The following CSNK2A2IP variants were observed in gnomAD, a reference collection of about 807,000 sequenced individuals.
CSNK2A2IP encodes casein kinase 2 subunit alpha' interacting protein.
At chr3:88,466,460 T>C in the CSNK2A2IP span, 1 of 1,231,804 alleles carries the variant, frequency 8.1e-7, no homozygotes, top group Admixed American at 4.2e-5. Flanking sequence ...AAAACAAACA[T>C]CTCAGGTCAA....
the CSNK2A2IP span, among the ~76,000 whole-genome samples, chr3:88,390,406 C>T: frequency 6.6e-6 from 1 of 152,098 alleles, no homozygotes; most frequent in African/African-American, 2.4e-5. Flanking sequence ...GTGACACTGA[C>T]CTGGAACTGT....
chr3:88,379,845 T>G, the CSNK2A2IP span, among the ~76,000 whole-genome samples: 2 of 152,126 alleles, frequency 1.3e-5, no homozygotes, highest in African/African-American at 4.8e-5. Context: ...AGGCTATTGT[T>G]TTTATTTTTC....
At chr3:88,356,456 T>C in the CSNK2A2IP span, among the ~76,000 whole-genome samples, 2 of 152,194 alleles carry the variant, frequency 1.3e-5, no homozygotes, top group African/African-American at 4.8e-5. Context: ...TGAATAATAT[T>C]CCATGGTGTA....
At chr3:88,427,231 C>G in the CSNK2A2IP span, among the ~76,000 whole-genome samples, 1 of 152,156 alleles carries the variant, frequency 6.6e-6, no homozygotes, top group Admixed American at 6.5e-5. Flanking sequence ...AGAGGCTGCC[C>G]TTGCCCTAGA....
chr3:88,390,401 A>G, the CSNK2A2IP span, among the ~76,000 whole-genome samples: 9 of 152,180 alleles, frequency 5.9e-5, no homozygotes, highest in African/African-American at 1.9e-4. Context: ...GCATAGTGAC[A>G]CTGACCTGGA....
At chr3:88,465,612 T>C in the CSNK2A2IP span, 1,804 of 1,231,678 alleles carry the variant, frequency 1.5e-3, 3 homozygotes, top group Admixed American at 1.8e-3. Context: ...GCTTCTGTGA[T>C]AGGTTTCTGA....
chr3:88,358,416 T>C, the CSNK2A2IP span, among the ~76,000 whole-genome samples: 422 of 152,318 alleles, frequency 2.8e-3, 4 homozygotes, highest in African/African-American at 9.0e-3. Context: ...GTTCCGGATC[T>C]TAAACTAAAG....
At chr3:88,341,492 G>A in the CSNK2A2IP span, among the ~76,000 whole-genome samples, 1,887 of 151,768 alleles carry the variant, frequency 0.012, 53 homozygotes, top group African/African-American at 0.043. Flanking sequence ...TCTGTGAGCA[G>A]CTGTTTCCTC....
At chr3:88,442,904 A>T in the CSNK2A2IP span, among the ~76,000 whole-genome samples, 3 of 152,006 alleles carry the variant, frequency 2.0e-5, no homozygotes, top group African/African-American at 7.2e-5. Flanking sequence ...ATTATAATTA[A>T]TTAAGTTAAA....
chr3:88,344,926 T>C, the CSNK2A2IP span, among the ~76,000 whole-genome samples: 2 of 152,016 alleles, frequency 1.3e-5, no homozygotes, highest in Admixed American at 6.6e-5. Flanking sequence ...TGGTTTCCTT[T>C]TGAATATCAT....
At chr3:88,435,080 A>T in the CSNK2A2IP span, among the ~76,000 whole-genome samples, 3 of 152,256 alleles carry the variant, frequency 2.0e-5, no homozygotes, top group South Asian at 2.1e-4. Flanking sequence ...GAGAGTTCCC[A>T]TGAGAAAGCA....
the CSNK2A2IP span, among the ~76,000 whole-genome samples, chr3:88,459,663 A>G: frequency 6.6e-6 from 1 of 152,146 alleles, no homozygotes; most frequent in Non-Finnish European, 1.5e-5. Context: ...CTCACATTTA[A>G]CTACCATGTG....
the CSNK2A2IP span, among the ~76,000 whole-genome samples, chr3:88,420,167 C>T: frequency 6.6e-6 from 1 of 152,098 alleles, no homozygotes; most frequent in Non-Finnish European, 1.5e-5. Flanking sequence ...TACTCTAGAA[C>T]AGCATAAATG....
the CSNK2A2IP span, among the ~76,000 whole-genome samples, chr3:88,393,641 G>A: frequency 6.6e-6 from 1 of 152,126 alleles, no homozygotes; most frequent in Non-Finnish European, 1.5e-5. Context: ...AGGAGATTGT[G>A]GTCAAACAGT....
chr3:88,367,934 T>C, the CSNK2A2IP span, among the ~76,000 whole-genome samples: 1 of 152,108 alleles, frequency 6.6e-6, no homozygotes, highest in Non-Finnish European at 1.5e-5. Context: ...CCTTTAATCC[T>C]AGTTTTAAAG....
At chr3:88,454,066 T>C in the CSNK2A2IP span, among the ~76,000 whole-genome samples, 36 of 152,168 alleles carry the variant, frequency 2.4e-4, 1 homozygote, top group East Asian at 6.7e-3. Flanking sequence ...GTATGAGAGT[T>C]TCAATTCCTC....
At chr3:88,385,297 A>G in the CSNK2A2IP span, among the ~76,000 whole-genome samples, 2 of 151,184 alleles carry the variant, frequency 1.3e-5, no homozygotes, top group Non-Finnish European at 2.9e-5. Flanking sequence ...AGAGGGTTTC[A>G]GGAAGGAGGT....
the CSNK2A2IP span, among the ~76,000 whole-genome samples, chr3:88,388,654 C>T: frequency 6.6e-6 from 1 of 152,146 alleles, no homozygotes; most frequent in Non-Finnish European, 1.5e-5. Context: ...ATAAGATTGG[C>T]TGTCCAGTTC....
At chr3:88,408,837 T>C in the CSNK2A2IP span, among the ~76,000 whole-genome samples, 5 of 151,732 alleles carry the variant, frequency 3.3e-5, 1 homozygote, top group East Asian at 9.6e-4. Context: ...TTTGTTTTAA[T>C]GTTTTTTTTT....
Sources: gnomAD v4.1 joint callset for allele counts (sites outside exome capture counted in the v4.1 genomes callset) on GRCh38, gnomAD v4.1.1 for gene constraint, MANE v1.5 for transcripts, NCBI Gene and HGNC (gene_info 2026-07-23, HGNC 2026-07-21) for gene names.